The following NECAB3 variants were observed in gnomAD, a reference collection of about 807,000 sequenced individuals.
The protein encoded by NECAB3 is N-terminal EF-hand calcium binding protein 3.
Under a neutral mutation model 57.2 loss-of-function variants are expected in NECAB3, and 38 were observed. The observed-to-expected ratio is 0.66, with a 90% confidence interval of 0.51 to 0.87. The LOEUF (loss-of-function observed/expected upper bound fraction) is 0.87, where lower values mean the gene tolerates loss of function less well. Among genes scored for constraint, NECAB3 ranks in the 40% least tolerant of loss-of-function variants. NECAB3 has a pLI of 0.00. For missense variants in NECAB3, 474 were observed against 527.5 expected (o/e 0.90, Z 0.99); for synonymous variants, 223 against 222.6 (o/e 1.00, Z -0.02).
intron 5 of NECAB3, chr20:33,662,388 C>T (rs762770370): frequency 2.9e-5 from 45 of 1,551,406 alleles, no homozygotes; most frequent in Non-Finnish European, 3.5e-5. Context: ...AGCACCCAAG[C>T]AGGCCCGCAA....
chr20:33,663,325 CG>C, intron 5 of NECAB3: 1 of 575,484 alleles, frequency 1.7e-6, no homozygotes, highest in Non-Finnish European at 3.0e-6. Context: ...AGGCGGAGTC[CG>C]GGGCGCCACG....
At chr20:33,667,750 T>A (rs749599746) in intron 5 of NECAB3, 1 of 1,612,388 alleles carries the variant, frequency 6.2e-7, no homozygotes, top group African/African-American at 1.3e-5. Flanking sequence ...GAAGCGCAGC[T>A]GCTACGTGTC....
At chr20:33,659,831 A>AG (rs1217437821) in intron 7 of NECAB3, 54 bp downstream of exon 7, 3 of 1,533,834 alleles carry the variant, frequency 2.0e-6, no homozygotes, top group Non-Finnish European at 2.6e-6. Context: ...CCCTGGGGGA[A>AG]GGGGGGATGC....
At chr20:33,666,107 T>G (rs1014299665) in intron 5 of NECAB3, among the ~76,000 whole-genome samples, 24 of 151,980 alleles carry the variant, frequency 1.6e-4, no homozygotes, top group Non-Finnish European at 5.9e-5. Context: ...AAAAAAGAAC[T>G]GAGTCTCAAA....
Position 33,658,029 on chromosome 20 carries a change from G to A in NECAB3, c.1075C>T (p.Gln359Ter). The change falls in exon 11 of 12, where the codon CAG becomes TAG. Residue 359 changes from glutamine (Q) to a stop codon, truncating the protein, a stop_gained. Coordinates refer to ENST00000246190, the MANE Select transcript of NECAB3 (RefSeq NM_031232.4). LOFTEE classifies it high-confidence loss of function. The part of the protein sequence containing the change: ...WQDEASWRRH[Q>*]QSPGSKAFQR... ...AAGGCCTTGCTGCCAGGCGACTGCT[G>A]GTGCCTGCAGAGACCCAGGCTACAG... is the stretch of plus-strand genomic sequence containing the variant. The A allele has an allele frequency of 6.4e-7, 1 of 1,550,938 alleles. No homozygotes were observed. Among genetic ancestry groups the A allele is most frequent in the Non-Finnish European group, 8.7e-7 (1 of 1,147,032 alleles).
intron 5 of NECAB3, chr20:33,663,331 G>A: frequency 1.7e-6 from 1 of 579,740 alleles, no homozygotes. Context: ...AGTCCGGGGC[G>A]CCACGCAGGG....
Position 33,660,693 on chromosome 20 carries a change from C to T in NECAB3, c.388-298G>A, listed in dbSNP as rs894716261. Among the ~76,000 whole-genome samples, 1 of 152,202 alleles carries T rather than the reference C, an allele frequency of 6.6e-6. No individual in the cohort carries two copies. The highest frequency in any genetic ancestry group is 6.5e-5 in the Admixed American group (1 of 15,284). On this transcript the variant is annotated intron_variant, in intron 5 of 11. Coordinates refer to ENST00000246190, the MANE Select transcript of NECAB3 (RefSeq NM_031232.4). This position sits in a 1 kb window ranked among gnomAD's most constrained non-coding sequence, Gnocchi z 4.1. ...CCTTCCCTGATGGGGCTACCACCTT[C>T]AGCACTGTCATAGCCAGTGAGTCCC...
At position 33,670,773 on chromosome 20, in the gene NECAB3, A is replaced by C; in HGVS notation, c.174T>G (p.Phe58Leu). Residue 58 changes from phenylalanine (F) to leucine (L), a missense_variant, in exon 3 of 12, where the codon TTT becomes TTG. Phe to Leu is a conservative substitution (Grantham distance 22). Transcript: ENST00000246190. ...CGGCAAAGTAATTCTGGAATTCCTC[A>C]AATGAGAGCTTCCCATCATCTGGGG... is the stretch of plus-strand genomic sequence containing the variant. Reference protein sequence around the residue: ...ADKNDDGKLSFEEFQNYFADG... With the variant: ...ADKNDDGKLSLEEFQNYFADG... 6.2e-7 allele frequency: 1 copy of C among 1,614,002 alleles called. No homozygotes were observed. The highest frequency in any genetic ancestry group is 8.5e-7 in the Non-Finnish European group (1 of 1,179,894).
chr20:33,666,049 C>T (rs747875199), intron 5 of NECAB3, among the ~76,000 whole-genome samples: 103 of 152,206 alleles, frequency 6.8e-4, no homozygotes, highest in Middle Eastern at 3.4e-3. Context: ...CAACGCTGCA[C>T]GCCCAGCCTG....
Position 33,658,042 on chromosome 20 carries a change from A to G in NECAB3, c.1071-9T>C, listed in dbSNP as rs573037998. On this transcript the variant is annotated splice_polypyrimidine_tract_variant and intron_variant, in intron 10 of 11. Transcript: ENST00000246190. Reference sequence around the variant, plus strand: ...CAGGCGACTGCTGGTGCCTGCAGAGACCCAGGCTACAGTGACCTCGCTCTC... The same window carrying G: ...CAGGCGACTGCTGGTGCCTGCAGAGGCCCAGGCTACAGTGACCTCGCTCTC... 2 of 1,549,792 alleles carry G rather than the reference A, an allele frequency of 1.3e-6. No individual in the cohort carries two copies. The highest frequency in any genetic ancestry group is 4.9e-5 in the East Asian group (2 of 40,924).
At chr20:33,673,343 G>A (rs1390966009) in intron 1 of NECAB3, among the ~76,000 whole-genome samples, 1 of 152,150 alleles carries the variant, frequency 6.6e-6, no homozygotes, top group Non-Finnish European at 1.5e-5. Flanking sequence ...GTGGGGCTCA[G>A]GAAAGACTCT....
intron 5 of NECAB3, 141 bp downstream of exon 5, chr20:33,669,234 G>A: frequency 1.3e-6 from 1 of 750,722 alleles, no homozygotes; most frequent in Non-Finnish European, 2.2e-6. Context: ...AGGTCAAGGG[G>A]CACAGCTACA....
At chr20:33,668,282 C>G (rs757080293) in intron 5 of NECAB3, 3 of 1,535,334 alleles carry the variant, frequency 2.0e-6, no homozygotes, top group Non-Finnish European at 1.8e-6. Context: ...GGACAGCTCT[C>G]TATCTAAAGA....
At position 33,668,899 on chromosome 20, in the gene NECAB3, G is replaced by A. The variant is rs138585745; in HGVS notation, c.387+476C>T. On this transcript the variant is annotated intron_variant, in intron 5 of 11. Coordinates refer to ENST00000246190, the MANE Select transcript of NECAB3 (RefSeq NM_031232.4). ...GCACTGTTCGAGCTTGTGTATACAC[G>A]TGTCCACACAAACGCGTGGGTGTTC... is the stretch of plus-strand genomic sequence containing the variant. Among the ~76,000 whole-genome samples, 13 of 152,336 alleles carry A rather than the reference G, an allele frequency of 8.5e-5. No homozygotes were observed. In the East Asian group the frequency reaches 2.1e-3, roughly 25 times the overall value.
chr20:33,675,251 GATC>G (rs1444068651), upstream of NECAB3: 1 of 153,078 alleles, frequency 6.5e-6, no homozygotes, highest in Non-Finnish European at 1.5e-5. Context: ...CATTTATGCA[GATC>G]TCCTCTTTCA....
chr20:33,665,935 T>G (rs1004164393), intron 5 of NECAB3, among the ~76,000 whole-genome samples: 3 of 152,018 alleles, frequency 2.0e-5, no homozygotes, highest in Non-Finnish European at 4.4e-5. Context: ...ATACAAAAAT[T>G]AGCCGCGTAT....
chr20:33,662,476 G>C (rs1426937336), intron 5 of NECAB3: 3 of 1,551,536 alleles, frequency 1.9e-6, no homozygotes, highest in Non-Finnish European at 1.7e-6. Flanking sequence ...CCGGCTGTGA[G>C]GGCGGGGGAT....
intron 5 of NECAB3, chr20:33,662,568 T>G: frequency 7.3e-7 from 1 of 1,378,340 alleles, no homozygotes; most frequent in Non-Finnish European, 9.9e-7. Flanking sequence ...GTCTAGGCCT[T>G]GTATGCAGAA....
At chr20:33,669,244 A>G (rs2017772141) in intron 5 of NECAB3, 131 bp downstream of exon 5, 1 of 859,822 alleles carries the variant, frequency 1.2e-6, no homozygotes, top group East Asian at 2.6e-5. Context: ...GCACAGCTAC[A>G]AAGTGGGAGC....
Sources: gnomAD v4.1 joint callset for allele counts (sites outside exome capture counted in the v4.1 genomes callset) on GRCh38, gnomAD v4.1.1 for gene constraint, Gnocchi (gnomAD v3.1) non-coding constraint, MANE v1.5 for transcripts, NCBI Gene and HGNC (gene_info 2026-07-23, HGNC 2026-07-21) for gene names.